Variants in TCEA2 observed in about 807,000 individuals in gnomAD.
The protein encoded by TCEA2 is transcription elongation factor A protein 2.
TCEA2 carries 21 observed loss-of-function variants against 40.8 expected under a neutral mutation model. The observed-to-expected ratio is 0.51, with a 90% CI of 0.36 to 0.74. The LOEUF (loss-of-function observed/expected upper bound fraction) is 0.74, where lower values mean the gene tolerates loss of function less well. Among genes scored for constraint, TCEA2 ranks in the 30% least tolerant of loss-of-function variants. The pLI is 0.00. For missense variants in TCEA2, 326 were observed against 426.5 expected, an observed-to-expected ratio of 0.76 and a Z score of 2.08; for synonymous variants, 165 against 162.7, an observed-to-expected ratio of 1.01 and a Z score of -0.11.
chr20:64,072,120 T>G, intron 9 of TCEA2, 52 bp from the exon 10 acceptor site: 1 of 1,611,428 alleles, frequency 6.2e-7, no homozygotes. Context: ...CCTTCCACTC[T>G]GGGGGATCTC....
chr20:64,064,300 G>A (rs1198131808), intron 1 of TCEA2: 1 of 152,308 alleles, frequency 6.6e-6, no homozygotes, highest in Admixed American at 6.5e-5. Context: ...GTTGTCTTGC[G>A]GCCACAGCGA....
At chr20:64,067,956 G>T in intron 3 of TCEA2, 91 bp from the exon 4 acceptor site, 1 of 972,284 alleles carries the variant, frequency 1.0e-6, no homozygotes, top group Admixed American at 2.9e-5. Context: ...GGCCGTGTTG[G>T]TGGTCGGGCT....
upstream of TCEA2, among the ~76,000 whole-genome samples, chr20:64,060,614 G>A (rs554793922): frequency 3.9e-5 from 6 of 152,278 alleles, no homozygotes; most frequent in South Asian, 8.3e-4. Flanking sequence ...TTCTGACCAC[G>A]AGGACTTGCT....
chr20:64,070,363 T>C lies in TCEA2; in HGVS notation c.621T>C (p.Asn207=). 11 of 1,614,188 alleles carry C rather than the reference T, an allele frequency of 6.8e-6. No individual in the cohort carries two copies. Among genetic ancestry groups the C allele is most frequent in the Non-Finnish European group, 9.3e-6 (11 of 1,180,020 alleles). The change falls in exon 7 of 10, where the codon AAT becomes AAC. Residue 207 remains asparagine, a synonymous_variant. Coordinates refer to ENST00000343484, the MANE Select transcript of TCEA2 (RefSeq NM_003195.6). ...CCAAGAACCCTGACCTGCGGCGGAATGTGCTGTGTGGGGCCATAACACCCC... is the reference window on the plus strand; with the variant it reads ...CCAAGAACCCTGACCTGCGGCGGAACGTGCTGTGTGGGGCCATAACACCCC... ...KDAKNPDLRR[N]VLCGAITPQQ...
rs1453275277 is a variant in TCEA2, at chr20:64,072,204, C to G, written c.*24C>G. The stretch of plus-strand genomic sequence containing the variant: ...GACCCCTCGTGTAGATGTGCTGCAG[C>G]CTTGGGCCCTCCCCGGCCCACGTCC... On this transcript the variant is annotated 3_prime_UTR_variant, in exon 10 of 10. Transcript: ENST00000343484. The G allele has an allele frequency of 6.2e-7, 1 of 1,608,638 alleles. No individual in the cohort carries two copies. The highest frequency in any genetic ancestry group is 1.1e-5 in the South Asian group (1 of 90,844).
chr20:64,063,193 C>A (rs887012919), upstream of TCEA2: 4 of 885,756 alleles, frequency 4.5e-6, no homozygotes, highest in South Asian at 4.3e-5. Flanking sequence ...GGGGGTCTGT[C>A]GTCCGCGGCG....
At chr20:64,066,776 A>G in intron 2 of TCEA2, 139 bp from the exon 3 acceptor site, 1 of 893,392 alleles carries the variant, frequency 1.1e-6, no homozygotes. Flanking sequence ...CAAATGGGAC[A>G]GTCGCCATTG....
At chr20:64,056,520 G>T (rs1318498536), upstream of TCEA2, among the ~76,000 whole-genome samples, 1 of 141,020 alleles carries the variant, frequency 7.1e-6, no homozygotes, top group Admixed American at 7.2e-5. Flanking sequence ...GGCTGCCCAT[G>T]GGGTGGCAGG....
intron 8 of TCEA2, 73 bp from the exon 9 acceptor site, chr20:64,071,797 T>C (rs1042711684): frequency 1.8e-5 from 29 of 1,569,488 alleles, no homozygotes; most frequent in Non-Finnish European, 2.3e-5. Flanking sequence ...AGGCCCGCAC[T>C]GCCCATGTTG....
chr20:64,059,703 C>T (rs2059527165), upstream of TCEA2, among the ~76,000 whole-genome samples: 1 of 152,162 alleles, frequency 6.6e-6, no homozygotes, highest in Non-Finnish European at 1.5e-5. Flanking sequence ...GACCAGCTCC[C>T]AGCTCCCTAG....
intron 5 of TCEA2, 75 bp from the exon 6 acceptor site, chr20:64,069,690 A>G: frequency 1.3e-6 from 2 of 1,563,772 alleles, no homozygotes; most frequent in East Asian, 4.5e-5. Context: ...CTAAGCTGCC[A>G]GGGTGTTTTG....
In TCEA2 at chr20:64,070,643, GC is replaced by G; in HGVS notation, c.819+10del. On this transcript the variant is annotated intron_variant, in intron 8 of 9. Coordinates refer to ENST00000343484, the MANE Select transcript of TCEA2 (RefSeq NM_003195.6). Reference sequence around the variant, plus strand: ...AACTGCACCTACACACAGGTGAGCGGCCGCTGGGCACCCTCCCCCGGGCCCG... The same window carrying G: ...AACTGCACCTACACACAGGTGAGCGGCGCTGGGCACCCTCCCCCGGGCCCG... 1 of 1,554,588 alleles carries G rather than the reference GC, an allele frequency of 6.4e-7. No homozygotes were observed. The highest frequency in any genetic ancestry group is 8.7e-7 in the Non-Finnish European group (1 of 1,147,434).
chr20:64,066,825 G>C, intron 2 of TCEA2, 90 bp from the exon 3 acceptor site: 1 of 1,332,070 alleles, frequency 7.5e-7, no homozygotes, highest in African/African-American at 1.5e-5. Context: ...CCGGGCTCCT[G>C]TCCTGTGGGG....
At chr20:64,062,946 TC>T (rs2059597707), upstream of TCEA2, 1 of 166,110 alleles carries the variant, frequency 6.0e-6, no homozygotes, top group Non-Finnish European at 1.3e-5. Flanking sequence ...GCCCGGTCGC[TC>T]CGGGATGTCT....
chr20:64,063,221 G>T lies in TCEA2; in HGVS notation c.-92G>T. 8.8e-7 allele frequency: 1 copy of T among 1,133,658 alleles called. No individual in the cohort carries two copies. Among genetic ancestry groups the T allele is most frequent in the Non-Finnish European group, 1.1e-6 (1 of 884,056 alleles). 70.2% of individuals were successfully genotyped at this position (1,133,658 alleles called of 1,614,324 possible). ...CCGCGGCGGGGCTGCGTCGGCTGCG[G>T]CGGGTGTGGGAGGTGGCGACGGCCG... On this transcript the variant is annotated 5_prime_UTR_variant, in exon 1 of 10. Transcript: ENST00000343484.
upstream of TCEA2, among the ~76,000 whole-genome samples, chr20:64,056,133 G>A (rs1051260553): frequency 6.6e-6 from 1 of 152,192 alleles, no homozygotes; most frequent in African/African-American, 2.4e-5. Flanking sequence ...CTCCCCCAGC[G>A]TTGCTTCTGT....
upstream of TCEA2, chr20:64,056,956 G>C (rs1248388587): frequency 6.6e-6 from 1 of 152,270 alleles, no homozygotes; most frequent in Non-Finnish European, 1.5e-5. Context: ...CTATCCATAT[G>C]TCCCTGTCCA....
At position 64,063,312 on chromosome 20, in the gene TCEA2, G is replaced by A; in HGVS notation, c.-1G>A. ...GCGCGGGGGTCGCTGCTCCTGAGGC[G>A]ATGATGGGCAAGGAAGAGGAGATTG... On this transcript the variant is annotated 5_prime_UTR_variant, in exon 1 of 10. Transcript: ENST00000343484. 1.3e-6 allele frequency: 2 copies of A among 1,540,660 alleles called. No individual in the cohort carries two copies. Among genetic ancestry groups the A allele is most frequent in the Non-Finnish European group, 1.7e-6 (2 of 1,144,032 alleles).
intron 3 of TCEA2, among the ~76,000 whole-genome samples, chr20:64,067,719 G>A (rs548228606): frequency 7.9e-5 from 12 of 152,374 alleles, no homozygotes; most frequent in South Asian, 2.1e-4. Flanking sequence ...GGACATGCTT[G>A]GTCTCTCTGG....
Sources: allele counts gnomAD v4.1 joint callset (sites outside exome capture counted in the v4.1 genomes callset), GRCh38; gene constraint gnomAD v4.1.1; transcripts MANE v1.5; gene names NCBI Gene and HGNC (gene_info 2026-07-23, HGNC 2026-07-21).